Variants in FMO5 observed in about 807,000 individuals in gnomAD.
FMO5 encodes the protein flavin-containing monooxygenase 5.
A neutral mutation model predicts 43.6 loss-of-function variants in FMO5; 51 were observed. The observed-to-expected ratio is 1.17, with a 90% CI of 0.93 to 1.48. The LOEUF (loss-of-function observed/expected upper bound fraction) is 1.48, where lower values mean the gene tolerates loss of function less well. FMO5 is among the 40% of genes most tolerant of loss of function. FMO5 has a pLI of 0.00. For synonymous variants in FMO5, 187 were observed against 216.5 expected (o/e 0.86, Z 1.20); for missense variants, 644 against 643.0 (o/e 1.00, Z -0.02).
chr1:147,212,934 G>A (rs1426289283), intron 4 of FMO5, among the ~76,000 whole-genome samples: 2 of 151,528 alleles, frequency 1.3e-5, no homozygotes, highest in African/African-American at 4.9e-5. Flanking sequence ...GAAAATCCAG[G>A]CCAAAGACTG....
chr1:147,184,416 A>G (rs1553916648), downstream of FMO5: 1 of 1,359,938 alleles, frequency 7.4e-7, no homozygotes, highest in Non-Finnish European at 9.6e-7. The surrounding 1 kb of genome is among the most constrained non-coding windows in gnomAD (Gnocchi z 4.4). Flanking sequence ...TACTTTATTA[A>G]TATTCCCTTA....
At chr1:147,203,801 C>T (rs10751403) in intron 6 of FMO5, 55,074 of 1,548,050 alleles carry the variant, frequency 0.036, 1,098 homozygotes, top group African/African-American at 0.047. Flanking sequence ...TGTAGAGCCC[C>T]GAAGTACTAT....
At chr1:147,204,471 A>T (rs1659608914) in intron 6 of FMO5, 1 of 1,460,814 alleles carries the variant, frequency 6.8e-7, no homozygotes, top group East Asian at 2.3e-5. Context: ...CAACATCTCG[A>T]AGGTTTTTTG....
intron 6 of FMO5, chr1:147,203,197 G>A: frequency 1.3e-6 from 1 of 745,238 alleles, no homozygotes. Context: ...AATGTAAGGA[G>A]AATAAGAAAA....
intron 7 of FMO5, among the ~76,000 whole-genome samples, chr1:147,191,939 TAGCGTGATGCCTCC>T (rs1206990906): frequency 5.9e-5 from 9 of 152,092 alleles, no homozygotes; most frequent in Non-Finnish European, 1.0e-4. Context: ...TGAAGTCAGG[TAGCGTGATGCCTCC>T]AGCTTTGTTC....
chr1:147,196,945 C>T (rs1049168491), intron 7 of FMO5, among the ~76,000 whole-genome samples: 1 of 152,142 alleles, frequency 6.6e-6, no homozygotes, highest in South Asian at 2.1e-4. Context: ...CTTACTGAGA[C>T]TTTTACCACA....
At chr1:147,226,838 C>T (rs1361077232), upstream of FMO5, among the ~76,000 whole-genome samples, 1 of 148,946 alleles carries the variant, frequency 6.7e-6, no homozygotes, top group African/African-American at 2.5e-5. Flanking sequence ...AACTGTCGAA[C>T]TTTTTTTTTT....
intron 7 of FMO5, among the ~76,000 whole-genome samples, chr1:147,195,294 A>T (rs1553919565): frequency 6.6e-6 from 1 of 151,656 alleles, no homozygotes; most frequent in African/African-American, 2.4e-5. Flanking sequence ...AAACCCAAAT[A>T]ATTTTTTTTT....
chr1:147,211,684 G>A (rs1384580760), intron 5 of FMO5: 2 of 152,210 alleles, frequency 1.3e-5, no homozygotes, highest in African/African-American at 4.8e-5. Flanking sequence ...ATATTGGCAT[G>A]TCTTTTTCCA....
rs782633877 is a variant in FMO5, at chr1:147,224,869, A to G, written c.135+26T>C. ...CCTAGTTGCAGGGAGGGTTTCAAGTATTAAGGGACTAGGAGATGTATGTAC... is the reference window on the plus strand; with the variant it reads ...CCTAGTTGCAGGGAGGGTTTCAAGTGTTAAGGGACTAGGAGATGTATGTAC... On this transcript the variant is annotated intron_variant, in intron 2 of 8. Transcript: ENST00000254090. 5.6e-6 allele frequency: 9 copies of G among 1,610,124 alleles called. No homozygotes were observed. In the Admixed American group the frequency reaches 6.7e-5, roughly 12 times the overall value.
chr1:147,208,949 A>G lies in FMO5; in HGVS notation c.733T>C (p.Trp245Arg). Reference protein sequence around the residue: ...LFSSRLTHFIWKICGQSLANK... With the variant: ...LFSSRLTHFIRKICGQSLANK... ...GCTAATGATTGGCCACAGATCTTCC[A>G]TATAAAATGTGTAAGTCGAGAAGAG... Residue 245 changes from tryptophan (W) to arginine (R), a missense_variant, in exon 6 of 9, where the codon TGG becomes CGG. By Grantham distance (101) the Trp-to-Arg change is moderately radical (BLOSUM62 -3). Transcript: ENST00000254090. The G allele has an allele frequency of 6.2e-7, 1 of 1,614,116 alleles. No individual in the cohort carries two copies. The highest frequency in any genetic ancestry group is 8.5e-7 in the Non-Finnish European group (1 of 1,179,946).
rs1221943104 is a variant in FMO5, at chr1:147,209,147, C to T, written c.631-96G>A. The stretch of plus-strand genomic sequence containing the variant: ...TTCAAGAATCATTTCAGGCCCGGCG[C>T]GGTGGCTCACGCCTGTAATCCCAGC... On this transcript the variant is annotated intron_variant, in intron 5 of 8. Transcript: ENST00000254090. 10 of 996,710 alleles carry T rather than the reference C, an allele frequency of 1.0e-5. No homozygotes were observed. In the East Asian group the frequency reaches 1.1e-4, roughly 11 times the overall value. The allele number at this position is 996,710 out of a possible 1,614,324, so 61.7% of individuals were successfully genotyped here.
chr1:147,213,231 G>T, intron 4 of FMO5, 77 bp downstream of exon 4: 1 of 1,221,596 alleles, frequency 8.2e-7, no homozygotes, highest in South Asian at 1.8e-5. Context: ...GAATTACTCA[G>T]ACCACAATCC....
At chr1:147,190,050 C>T in intron 8 of FMO5, 127 bp downstream of exon 8, 4 of 599,104 alleles carry the variant, frequency 6.7e-6, no homozygotes, top group Non-Finnish European at 1.1e-5. Flanking sequence ...AATTATTTTT[C>T]CTTTTTTCTT....
chr1:147,192,930 A>T (rs1339503068), intron 7 of FMO5, among the ~76,000 whole-genome samples: 1 of 151,976 alleles, frequency 6.6e-6, no homozygotes, highest in Non-Finnish European at 1.5e-5. Flanking sequence ...TTTATTGAGG[A>T]TTTTTGCATC....
intron 2 of FMO5, among the ~76,000 whole-genome samples, chr1:147,221,482 A>G (rs1571424549): frequency 6.6e-6 from 1 of 152,234 alleles, no homozygotes; most frequent in South Asian, 2.1e-4. Flanking sequence ...TTTTTAATTA[A>G]GGTAAATTAA....
At chr1:147,203,795 G>A (rs1210766536) in intron 6 of FMO5, 2 of 1,545,596 alleles carry the variant, frequency 1.3e-6, no homozygotes, top group Non-Finnish European at 1.8e-6. Flanking sequence ...ATTGTCTGTA[G>A]AGCCCCGAAG....
At chr1:147,193,100 G>T (rs1470340296) in intron 7 of FMO5, among the ~76,000 whole-genome samples, 1 of 152,090 alleles carries the variant, frequency 6.6e-6, no homozygotes, top group African/African-American at 2.4e-5. Flanking sequence ...GCTCCTCTTT[G>T]TACCTCTGGT....
intron 6 of FMO5, among the ~76,000 whole-genome samples, chr1:147,206,092 A>T (rs1553922270): frequency 6.6e-6 from 1 of 150,872 alleles, no homozygotes; most frequent in African/African-American, 2.5e-5. Context: ...CAACCCCATC[A>T]AAAAGTGGGT....
Sources: gnomAD v4.1 joint callset for allele counts (sites outside exome capture counted in the v4.1 genomes callset) on GRCh38, gnomAD v4.1.1 for gene constraint, Gnocchi (gnomAD v3.1) non-coding constraint, MANE v1.5 for transcripts, NCBI Gene and HGNC (gene_info 2026-07-23, HGNC 2026-07-21) for gene names.